The following GNPTG variants were observed in gnomAD, a reference collection of about 807,000 sequenced individuals.
The protein encoded by GNPTG is N-acetylglucosamine-1-phosphotransferase subunit gamma.
In GNPTG, 46 loss-of-function variants were observed where a neutral mutation model predicts 43.8. That is an observed-to-expected ratio of 1.05 (90% CI 0.83 to 1.34). GNPTG has a LOEUF of 1.34. Ranked by LOEUF, GNPTG falls within the 40% of genes most tolerant of loss-of-function variation. The pLI is 0.00. For missense variants in GNPTG, 549 were observed against 411.3 expected (o/e 1.33, Z -2.90); for synonymous variants, 250 against 172.8 (o/e 1.45, Z -3.50).
At chr16:1,352,386 G>C in intron 3 of GNPTG, 80 bp downstream of exon 3, 1 of 1,373,326 alleles carries the variant, frequency 7.3e-7, no homozygotes, top group Non-Finnish European at 1.0e-6. Context: ...GTGACCCTGA[G>C]AGTTACGGCC....
rs889623314 is a variant in GNPTG, at chr16:1,363,516, G to A, written c.*425G>A. The A allele has an allele frequency of 1.9e-5, 5 of 265,708 alleles. No homozygotes were observed. The highest frequency in any genetic ancestry group is 3.5e-5 in the South Asian group (1 of 28,364). The allele number at this position is 265,708 out of a possible 1,614,324, so 16.5% of individuals were successfully genotyped here. A position where few individuals can be genotyped will look rare whatever the true frequency, so the allele number is the denominator to read the frequency against. Reference sequence around the variant, plus strand: ...ACACCACTGTATCACGGCGAATGTCGAACACTAGAGTTACAGACGACAGGC... The same window carrying A: ...ACACCACTGTATCACGGCGAATGTCAAACACTAGAGTTACAGACGACAGGC... On this transcript the variant is annotated 3_prime_UTR_variant, in exon 11 of 11. Transcript: ENST00000204679.
At chr16:1,358,867 CT>C (rs34400922) in intron 3 of GNPTG, 136,711 of 147,438 alleles carry the variant, frequency 0.93, 63,381 homozygotes, top group East Asian at 1. Context: ...GGTGTTTGTC[CT>C]TTTTTTTTTT....
chr16:1,359,995 G>A (rs1445531928), intron 3 of GNPTG, among the ~76,000 whole-genome samples: 1 of 152,068 alleles, frequency 6.6e-6, no homozygotes, highest in Non-Finnish European at 1.5e-5. Context: ...GGTAATCCTA[G>A]CTACTGGGGA....
chr16:1,352,967 A>ATTTT (rs3078768), intron 3 of GNPTG, among the ~76,000 whole-genome samples: 6 of 132,662 alleles, frequency 4.5e-5, no homozygotes, highest in East Asian at 2.2e-4. Context: ...AAATCCAAGA[A>ATTTT]TTTTTTTTTT....
chr16:1,357,262 C>T (rs1444914086), intron 3 of GNPTG, among the ~76,000 whole-genome samples: 1 of 152,162 alleles, frequency 6.6e-6, no homozygotes, highest in Non-Finnish European at 1.5e-5. Context: ...GCCTGGCCAT[C>T]TTGGTCTCCA....
chr16:1,354,055 G>C (rs2034729985), intron 3 of GNPTG, among the ~76,000 whole-genome samples: 1 of 152,172 alleles, frequency 6.6e-6, no homozygotes, highest in Non-Finnish European at 1.5e-5. Flanking sequence ...TTTGTTGTGT[G>C]GCTGGGCGTG....
rs1172414120 is a variant in GNPTG, at chr16:1,352,306, GGTGA to G, written c.178+6_178+9del. 8 of 1,548,184 alleles carry G rather than the reference GGTGA, an allele frequency of 5.2e-6. No homozygotes were observed. Among genetic ancestry groups the G allele is most frequent in the African/African-American group, 4.1e-5 (3 of 72,996 alleles). ...CAAGAGGGATCCTTCACCCGTGTCT[GGTGA>G]GTGAGGAGCGCTGTTGGCCGGCGCG... On this transcript the variant is annotated splice_donor_variant and splice_donor_region_variant and intron_variant, in intron 3 of 10. Coordinates refer to ENST00000204679, the MANE Select transcript of GNPTG (RefSeq NM_032520.5). LOFTEE classifies it high-confidence loss of function.
intron 3 of GNPTG, chr16:1,361,390 A>T (rs1453771265): frequency 3.1e-6 from 1 of 327,638 alleles, no homozygotes; most frequent in Non-Finnish European, 5.9e-6. Flanking sequence ...CAAACCTGTA[A>T]TCCCAGCACT....
intron 3 of GNPTG, among the ~76,000 whole-genome samples, chr16:1,353,425 A>G (rs1238740584): frequency 1.3e-5 from 2 of 152,222 alleles, no homozygotes; most frequent in African/African-American, 4.8e-5. Context: ...GTAGAATTAG[A>G]TAAAATACAT....
Position 1,361,908 on chromosome 16 carries a change from C to A in GNPTG, c.270C>A (p.Thr90=), listed in dbSNP as rs543804571. 6.2e-7 allele frequency: 1 copy of A among 1,613,822 alleles called. No individual in the cohort carries two copies. The highest frequency in any genetic ancestry group is 8.5e-7 in the Non-Finnish European group (1 of 1,180,042). The change falls in exon 5 of 11, where the codon ACC becomes ACA. Residue 90 remains threonine, a synonymous_variant. Transcript: ENST00000204679. ...AGTTCTGCCCGTTCCACAACGTGACCCAGCACGAGCAGACCTTCCGCTGGA... is the reference window on the plus strand; with the variant it reads ...AGTTCTGCCCGTTCCACAACGTGACACAGCACGAGCAGACCTTCCGCTGGA... ...KYEFCPFHNV[T]QHEQTFRWNA...
At chr16:1,355,063 G>C (rs555218658) in intron 3 of GNPTG, among the ~76,000 whole-genome samples, 1 of 151,462 alleles carries the variant, frequency 6.6e-6, no homozygotes, top group Non-Finnish European at 1.5e-5. Context: ...GGTCTGCCGC[G>C]TCTGCGGGGT....
chr16:1,361,988 G>C (rs768817513), intron 5 of GNPTG, 33 bp downstream of exon 5: 2 of 1,613,176 alleles, frequency 1.2e-6, no homozygotes, highest in South Asian at 2.2e-5. Flanking sequence ...TCCCAAAGCA[G>C]CAGCGCAGCT....
intron 3 of GNPTG, among the ~76,000 whole-genome samples, chr16:1,357,426 C>T (rs1242290319): frequency 1.3e-5 from 2 of 152,184 alleles, no homozygotes; most frequent in Non-Finnish European, 2.9e-5. Context: ...GCATCTGGCT[C>T]CTGGGCTGGC....
At chr16:1,361,361 T>C (rs1397210043) in intron 3 of GNPTG, 1 of 281,602 alleles carries the variant, frequency 3.6e-6, no homozygotes, top group East Asian at 8.8e-5. Context: ...AAACTGGTCC[T>C]TGGCCGGGCG....
intron 3 of GNPTG, chr16:1,358,208 T>G (rs1596608959): frequency 6.6e-6 from 1 of 152,152 alleles, no homozygotes; most frequent in Non-Finnish European, 1.5e-5. Flanking sequence ...CAGGCGCTGG[T>G]GACACTGCCC....
intron 3 of GNPTG, 168 bp downstream of exon 3, chr16:1,352,474 A>G: frequency 1.4e-6 from 1 of 726,772 alleles, no homozygotes; most frequent in Non-Finnish European, 2.4e-6. Flanking sequence ...ACGTTCTTGT[A>G]GCGAATTAAA....
In GNPTG at chr16:1,362,279, C is replaced by T. The variant is rs779179604; in HGVS notation, c.485C>T (p.Thr162Met). The T allele has an allele frequency of 2.0e-5, 33 of 1,613,346 alleles. No individual in the cohort carries two copies. Among genetic ancestry groups the T allele is most frequent in the Middle Eastern group, 1.6e-4 (1 of 6,084 alleles). The change falls in exon 7 of 11, where the codon ACG (threonine) becomes ATG (methionine). Residue 162 changes from threonine (T) to methionine (M), a missense_variant. Physicochemically the swap from Thr to Met is moderately conservative, Grantham distance 81. Coordinates refer to ENST00000204679, the MANE Select transcript of GNPTG (RefSeq NM_032520.5). ...CCGAGCACCTGCGTCTACGCGCTGA[C>T]GTTCGAGACCCCCCTCGTCTGCCAC... ...SEPSTCVYAL[T>M]FETPLVCHPH...
chr16:1,358,867 CTT>C (rs34400922), intron 3 of GNPTG: 87 of 147,178 alleles, frequency 5.9e-4, no homozygotes, highest in Admixed American at 6.1e-4. Context: ...GGTGTTTGTC[CTT>C]TTTTTTTTTT....
At chr16:1,358,866 C>T (rs888283314) in intron 3 of GNPTG, 1 of 28,130 alleles carries the variant, frequency 3.6e-5, no homozygotes, top group East Asian at 3.3e-3. Context: ...TGGTGTTTGT[C>T]CTTTTTTTTT....
Sources: allele counts gnomAD v4.1 joint callset (sites outside exome capture counted in the v4.1 genomes callset), GRCh38; gene constraint gnomAD v4.1.1; transcripts MANE v1.5; gene names NCBI Gene and HGNC (gene_info 2026-07-23, HGNC 2026-07-21).